GNAQ: variants seen among roughly 807,000 people sequenced by gnomAD.
The protein encoded by GNAQ is guanine nucleotide-binding protein G(q) subunit alpha.
GNAQ carries 8 observed loss-of-function variants against 43.9 expected under a neutral mutation model. That is an observed-to-expected ratio of 0.18 (90% CI 0.11 to 0.33). The LOEUF is 0.33. Among genes scored for constraint, GNAQ ranks in the 10% least tolerant of loss-of-function variants. The pLI is 1.00. For synonymous variants in GNAQ, 155 were observed against 170.7 expected (o/e 0.91, Z 0.71); for missense variants, 158 against 450.8 (o/e 0.35, Z 5.88).
intron 5 of GNAQ, among the ~76,000 whole-genome samples, chr9:77,728,987 C>A (rs1825443423): frequency 6.6e-6 from 1 of 152,158 alleles, no homozygotes; most frequent in Admixed American, 6.5e-5. Flanking sequence ...CATAAATTCC[C>A]ATCAAAAATC....
intron 5 of GNAQ, among the ~76,000 whole-genome samples, chr9:77,746,753 G>T (rs1004324394): frequency 5.3e-5 from 8 of 152,106 alleles, no homozygotes; most frequent in African/African-American, 1.9e-4. Flanking sequence ...TGTTAAGACA[G>T]CATGATTTTT....
At chr9:77,813,057 C>A (rs189776591) in intron 3 of GNAQ, among the ~76,000 whole-genome samples, 1 of 151,938 alleles carries the variant, frequency 6.6e-6, no homozygotes, top group Admixed American at 6.5e-5. Context: ...GGACTACAGG[C>A]GCACCCCACC....
intron 2 of GNAQ, among the ~76,000 whole-genome samples, chr9:77,882,888 A>ATC (rs1828238246): frequency 6.6e-6 from 1 of 152,214 alleles, no homozygotes; most frequent in African/African-American, 2.4e-5. Context: ...GAGGGAAACT[A>ATC]TCTGAGCATT....
At chr9:77,858,014 G>A (rs536893647) in intron 2 of GNAQ, among the ~76,000 whole-genome samples, 10 of 152,028 alleles carry the variant, frequency 6.6e-5, no homozygotes, top group South Asian at 6.2e-4. Flanking sequence ...TTTACAAAGC[G>A]TCCATGGATG....
chr9:78,010,649 C>T (rs746617138), intron 1 of GNAQ, among the ~76,000 whole-genome samples: 35 of 152,114 alleles, frequency 2.3e-4, no homozygotes, highest in African/African-American at 8.0e-4. Flanking sequence ...AAAACAGCAA[C>T]TTCCTTTCTA....
intron 5 of GNAQ, among the ~76,000 whole-genome samples, chr9:77,765,410 A>G (rs543621781): frequency 5.3e-5 from 8 of 152,346 alleles, no homozygotes; most frequent in African/African-American, 1.9e-4. Flanking sequence ...CTACAACTCA[A>G]TAACAAGAGC....
chr9:77,776,280 A>G (rs1826305316), intron 5 of GNAQ, among the ~76,000 whole-genome samples: 1 of 152,260 alleles, frequency 6.6e-6, no homozygotes, highest in Admixed American at 6.5e-5. Context: ...ACGTTAGTCA[A>G]TAGACAGAGA....
intron 5 of GNAQ, among the ~76,000 whole-genome samples, chr9:77,766,347 G>A (rs1047077245): frequency 6.6e-6 from 1 of 152,100 alleles, no homozygotes; most frequent in South Asian, 2.1e-4. Flanking sequence ...GTGATTTACA[G>A]TTCACATGTA....
intron 1 of GNAQ, among the ~76,000 whole-genome samples, chr9:77,976,384 T>G (rs185202891): frequency 2.0e-5 from 3 of 150,560 alleles, no homozygotes; most frequent in African/African-American, 7.5e-5. Flanking sequence ...TTTTTGGTTT[T>G]TTTTTGTTTT....
chr9:78,003,547 G>A (rs1332988103), intron 1 of GNAQ, among the ~76,000 whole-genome samples: 1 of 152,168 alleles, frequency 6.6e-6, no homozygotes, highest in Non-Finnish European at 1.5e-5. Context: ...GGACACAGTG[G>A]CTCACACCTG....
chr9:77,962,170 A>C (rs12338064), intron 1 of GNAQ, among the ~76,000 whole-genome samples: 3 of 152,202 alleles, frequency 2.0e-5, no homozygotes, highest in Admixed American at 2.0e-4. Flanking sequence ...GAGCAGTCTC[A>C]GTGTGGAACA....
At chr9:77,869,271 G>A (rs1303394275) in intron 2 of GNAQ, among the ~76,000 whole-genome samples, 1 of 152,100 alleles carries the variant, frequency 6.6e-6, no homozygotes, top group Non-Finnish European at 1.5e-5. Context: ...GAAATAAAAA[G>A]ATTATGTTTT....
intron 2 of GNAQ, among the ~76,000 whole-genome samples, chr9:77,834,250 CTCA>C (rs1827347574): frequency 1.3e-5 from 2 of 152,178 alleles, no homozygotes. Flanking sequence ...TTTGCACTTC[CTCA>C]TCTTTGTTCT....
chr9:77,761,884 A>G (rs527351623), intron 5 of GNAQ, among the ~76,000 whole-genome samples: 24 of 51,984 alleles, frequency 4.6e-4, no homozygotes, highest in South Asian at 8.7e-4. Context: ...CAGCCGCCCC[A>G]TCCGGGAGGG....
intron 2 of GNAQ, among the ~76,000 whole-genome samples, chr9:77,830,085 T>G (rs1340928241): frequency 6.6e-6 from 1 of 152,176 alleles, no homozygotes; most frequent in South Asian, 2.1e-4. Context: ...TTCAAGTAGC[T>G]GGGACTACAA....
At chr9:77,737,634 T>C (rs903666906) in intron 5 of GNAQ, among the ~76,000 whole-genome samples, 3 of 152,174 alleles carry the variant, frequency 2.0e-5, no homozygotes, top group African/African-American at 7.2e-5. Flanking sequence ...CCCATTCACA[T>C]AAAACAATAT....
At chr9:77,984,797 A>G (rs1246757761) in intron 1 of GNAQ, among the ~76,000 whole-genome samples, 1 of 152,134 alleles carries the variant, frequency 6.6e-6, no homozygotes, top group Non-Finnish European at 1.5e-5. Context: ...CCAGAGAGAG[A>G]AACTCCCTGA....
At chr9:78,023,729 T>C (rs1423119938) in intron 1 of GNAQ, among the ~76,000 whole-genome samples, 2 of 151,948 alleles carry the variant, frequency 1.3e-5, no homozygotes, top group East Asian at 1.9e-4. Flanking sequence ...GTGATGCTGA[T>C]TAAAAAAAAA....
chr9:77,790,579 C>T (rs539975129), intron 5 of GNAQ, among the ~76,000 whole-genome samples: 8 of 152,306 alleles, frequency 5.3e-5, no homozygotes, highest in South Asian at 2.1e-4. Flanking sequence ...TCTACTACTA[C>T]CAATTGGTGT....
Sources: gnomAD v4.1 joint callset for allele counts (sites outside exome capture counted in the v4.1 genomes callset) on GRCh38, gnomAD v4.1.1 for gene constraint, MANE v1.5 for transcripts, NCBI Gene and HGNC (gene_info 2026-07-23, HGNC 2026-07-21) for gene names.